The following ZBTB46 variants were observed in gnomAD, a reference collection of about 807,000 sequenced individuals.
ZBTB46 encodes zinc finger and BTB domain-containing protein 46.
A neutral mutation model predicts 44.1 loss-of-function variants in ZBTB46; 8 were observed. The ratio of observed to expected loss-of-function variants is 0.18; its 90% CI spans 0.11 to 0.33. The LOEUF (loss-of-function observed/expected upper bound fraction) is 0.33, where lower values mean the gene tolerates loss of function less well. Ranked by LOEUF, ZBTB46 falls within the 10% of genes least tolerant of loss-of-function variation. The pLI is 1.00. For missense variants in ZBTB46, 651 were observed against 847.7 expected (o/e 0.77, Z 2.88); for synonymous variants, 409 against 382.3 (o/e 1.07, Z -0.81).
chr20:63,782,543 C>T (rs1371629400), intron 2 of ZBTB46, among the ~76,000 whole-genome samples: 2 of 152,184 alleles, frequency 1.3e-5, no homozygotes, highest in Non-Finnish European at 2.9e-5. Flanking sequence ...TTTATTACAG[C>T]AGCCATCAGG....
upstream of ZBTB46, among the ~76,000 whole-genome samples, chr20:63,832,712 C>CG (rs1200105865): frequency 6.6e-6 from 1 of 151,976 alleles, no homozygotes; most frequent in Non-Finnish European, 1.5e-5. The surrounding 1 kb of genome is among the most constrained non-coding windows in gnomAD (Gnocchi z 5.0). Flanking sequence ...GCCCCGTCGC[C>CG]GGCCTACCTC....
Position 63,787,253 on chromosome 20 carries a change from C to T in ZBTB46, c.937+2568G>A, listed in dbSNP as rs751741895. On this transcript the variant is annotated intron_variant, in intron 2 of 4. Transcript: ENST00000245663. This position sits in a 1 kb window ranked among gnomAD's most constrained non-coding sequence, Gnocchi z 4.6. ...CCGGGAAATTCCTGTCACCTGGTGG[C>T]GTGACAGGAATAGCCATCGCCATCC... 6.6e-6 allele frequency among the ~76,000 whole-genome samples: 1 copy of T among 152,128 alleles called. No individual in the cohort carries two copies. Among genetic ancestry groups the T allele is most frequent in the Non-Finnish European group, 1.5e-5 (1 of 68,026 alleles).
In ZBTB46 at chr20:63,752,731, G is replaced by A. The variant is rs146626004; in HGVS notation, c.1353C>T (p.Cys451=). ...GCTCGCGCCGCGTGAACTTCTTCCC[G>A]CAGATCTCGCAGGGGTAGGGCCGCT... The part of the protein sequence containing the change: ...TGERPYPCEI[C]GKKFTRREHM... Residue 451 remains cysteine, a synonymous_variant, in exon 4 of 5, where the codon TGC becomes TGT. Coordinates refer to ENST00000245663, the MANE Select transcript of ZBTB46 (RefSeq NM_001369741.1). This position sits in a 1 kb window ranked among gnomAD's most constrained non-coding sequence, Gnocchi z 5.6. The A allele has an allele frequency of 1.8e-4, 288 of 1,608,526 alleles. 2 individuals carry two copies. The Middle Eastern group carries it at 5.0e-3, about 28-fold the overall frequency.
chr20:63,753,140 G>A (rs1351890989), intron 3 of ZBTB46, among the ~76,000 whole-genome samples: 2 of 152,212 alleles, frequency 1.3e-5, no homozygotes, highest in Non-Finnish European at 2.9e-5. Context: ...CCAAAGGCAG[G>A]AGGCAAGGGG....
intron 1 of ZBTB46, among the ~76,000 whole-genome samples, chr20:63,808,317 C>T (rs1053324649): frequency 6.6e-6 from 1 of 152,244 alleles, no homozygotes; most frequent in Non-Finnish European, 1.5e-5. Context: ...GTCAAGCCAT[C>T]CTTCCCAGCC....
rs752001447 is a variant in ZBTB46, at chr20:63,823,443, A to C, written c.-34+7654T>G. Among the ~76,000 whole-genome samples, 23 of 152,288 alleles carry C rather than the reference A, an allele frequency of 1.5e-4. No homozygotes were observed. The South Asian group carries it at 1.9e-3, about 12-fold the overall frequency. On this transcript the variant is annotated intron_variant, in intron 1 of 4. Coordinates refer to ENST00000245663, the MANE Select transcript of ZBTB46 (RefSeq NM_001369741.1). ...AGCCCAGGAAGCAGAGGTTGCAGTG[A>C]GCCAAGATCACGCCACTGCATTCCA... is the stretch of plus-strand genomic sequence containing the variant.
At chr20:63,827,877 T>C (rs1205611927) in intron 1 of ZBTB46, among the ~76,000 whole-genome samples, 2 of 152,248 alleles carry the variant, frequency 1.3e-5, no homozygotes, top group East Asian at 1.9e-4. Flanking sequence ...GTTTCATTTG[T>C]TTTTATGCTT....
chr20:63,796,213 T>A (rs1255628001), intron 1 of ZBTB46, among the ~76,000 whole-genome samples: 1 of 152,212 alleles, frequency 6.6e-6, no homozygotes, highest in African/African-American at 2.4e-5. Flanking sequence ...CTAATAAAAA[T>A]GTAAAACAGC....
At chr20:63,774,705 T>G (rs1178790445) in intron 3 of ZBTB46, among the ~76,000 whole-genome samples, 22 of 124,446 alleles carry the variant, frequency 1.8e-4, no homozygotes, top group Non-Finnish European at 3.2e-4. Context: ...TTTGTTTTTT[T>G]TTTTGTTTTT....
chr20:63,780,096 C>A (rs1358997318), intron 2 of ZBTB46, among the ~76,000 whole-genome samples: 2 of 151,606 alleles, frequency 1.3e-5, no homozygotes, highest in South Asian at 4.2e-4. Context: ...CCCGGTGAAA[C>A]CCCGTCTCTA....
At chr20:63,809,887 G>A (rs887399848) in intron 1 of ZBTB46, among the ~76,000 whole-genome samples, 11 of 151,854 alleles carry the variant, frequency 7.2e-5, no homozygotes, top group South Asian at 2.1e-4. Flanking sequence ...CCCTTGAGTC[G>A]GGAGGTCGAG....
chr20:63,808,867 C>T (rs2092699481), intron 1 of ZBTB46, among the ~76,000 whole-genome samples: 1 of 150,978 alleles, frequency 6.6e-6, no homozygotes, highest in South Asian at 2.1e-4. Context: ...GTCCCAGCTA[C>T]TCGGGAGGCT....
rs1302192091 is a variant in ZBTB46, at chr20:63,751,640, A to G, written c.1398+1046T>C. 3.4e-5 allele frequency among the ~76,000 whole-genome samples: 5 copies of G among 147,684 alleles called. 1 individual carries two copies. The highest frequency in any genetic ancestry group is 6.7e-5 in the Admixed American group (1 of 14,930). The stretch of plus-strand genomic sequence containing the variant: ...CGCCCCCCAGTGGGTCTCCCCATAA[A>G]GCCCCGCCCCCCGGTGGGTCTCCCC... On this transcript the variant is annotated intron_variant, in intron 4 of 4. Coordinates refer to ENST00000245663, the MANE Select transcript of ZBTB46 (RefSeq NM_001369741.1).
intron 2 of ZBTB46, among the ~76,000 whole-genome samples, chr20:63,778,910 G>A (rs978636587): frequency 2.0e-5 from 3 of 152,284 alleles, no homozygotes; most frequent in East Asian, 3.9e-4. Flanking sequence ...GTTTCCTCAC[G>A]CTCTGGAGAC....
At chr20:63,776,408 G>C (rs1419606165) in intron 2 of ZBTB46, among the ~76,000 whole-genome samples, 1 of 152,234 alleles carries the variant, frequency 6.6e-6, no homozygotes, top group Non-Finnish European at 1.5e-5. Context: ...AAATCCGCAT[G>C]ATCTCAGATT....
Position 63,781,895 on chromosome 20 carries a change from C to CT in ZBTB46, c.938-5934dup, listed in dbSNP as rs2092472925. Reference sequence around the variant, plus strand: ...GGTCAGGAGATCGAGACCATCCTGACTAACACGGTGAAACCTCGTCTCTAC... The same window carrying CT: ...GGTCAGGAGATCGAGACCATCCTGACTTAACACGGTGAAACCTCGTCTCTAC... On this transcript the variant is annotated intron_variant, in intron 2 of 4. Transcript: ENST00000245663. Among the ~76,000 whole-genome samples, 8 of 151,824 alleles carry CT rather than the reference C, an allele frequency of 5.3e-5. No homozygotes were observed. In the South Asian group the frequency reaches 1.7e-3, roughly 32 times the overall value.
intron 4 of ZBTB46, among the ~76,000 whole-genome samples, chr20:63,749,313 T>G (rs2092135580): frequency 6.7e-6 from 1 of 149,770 alleles, no homozygotes; most frequent in Non-Finnish European, 1.5e-5. Context: ...GAACTGCTCC[T>G]TTGGGCTTTT....
chr20:63,762,040 T>C (rs556437991), intron 3 of ZBTB46, among the ~76,000 whole-genome samples: 26 of 152,342 alleles, frequency 1.7e-4, no homozygotes, highest in Admixed American at 1.4e-3. Context: ...TCCTGCACTT[T>C]TGGTGTAACG....
In ZBTB46 at chr20:63,747,071, C is replaced by T; in HGVS notation, c.1629G>A (p.Gly543=). The T allele has an allele frequency of 2.5e-6, 4 of 1,609,090 alleles. No homozygotes were observed. Among genetic ancestry groups the T allele is most frequent in the South Asian group, 1.1e-5 (1 of 91,064 alleles). The part of the protein sequence containing the change: ...PYLEDPEDPR[G]EAEELGEDDE... ...CGTCCTCGCCCAGCTCCTCCGCCTC[C>T]CCTCGTGGGTCCTCAGGGTCCTCCA... The change falls in exon 5 of 5, where the codon GGG becomes GGA. Residue 543 remains glycine (G), a synonymous_variant. Transcript: ENST00000245663.
Sources: gnomAD v4.1 joint callset for allele counts (sites outside exome capture counted in the v4.1 genomes callset) on GRCh38, gnomAD v4.1.1 for gene constraint, Gnocchi (gnomAD v3.1) non-coding constraint, MANE v1.5 for transcripts, NCBI Gene and HGNC (gene_info 2026-07-23, HGNC 2026-07-21) for gene names.